Variants in TMEM217B observed in about 807,000 individuals in gnomAD.
The protein encoded by TMEM217B is transmembrane protein 217B.
the TMEM217B span, among the ~76,000 whole-genome samples, chr6:37,222,191 C>G: frequency 1.3e-5 from 2 of 152,248 alleles, no homozygotes; most frequent in East Asian, 1.9e-4. Context: ...GGAAGAGGCA[C>G]CACTTAGGTC....
the TMEM217B span, among the ~76,000 whole-genome samples, chr6:37,232,261 A>G: frequency 6.6e-6 from 1 of 152,250 alleles, no homozygotes; most frequent in African/African-American, 2.4e-5. Context: ...TGAAATAGCG[A>G]AAGTCAGGAG....
the TMEM217B span, among the ~76,000 whole-genome samples, chr6:37,248,867 C>T: frequency 2.6e-5 from 4 of 152,180 alleles, no homozygotes; most frequent in African/African-American, 9.7e-5. Flanking sequence ...AATTTGTTCT[C>T]TTAAGGTTCT....
At chr6:37,257,759 T>G in the TMEM217B span, 4 of 739,882 alleles carry the variant, frequency 5.4e-6, no homozygotes, top group Admixed American at 2.6e-5. Context: ...CGGTGCTGGG[T>G]GGAGGGGTGC....
chr6:37,215,128 A>G, the TMEM217B span: 6 of 1,593,562 alleles, frequency 3.8e-6, no homozygotes, highest in Non-Finnish European at 5.1e-6. Context: ...GGTCACTATA[A>G]TAATGGCCTA....
At chr6:37,251,583 G>A in the TMEM217B span, among the ~76,000 whole-genome samples, 1 of 152,178 alleles carries the variant, frequency 6.6e-6, no homozygotes, top group Non-Finnish European at 1.5e-5. Context: ...ACAGTATGAT[G>A]TTATTTATAA....
chr6:37,257,871 C>G, the TMEM217B span: 1 of 1,599,300 alleles, frequency 6.3e-7, no homozygotes, highest in Non-Finnish European at 8.5e-7. Flanking sequence ...GGCATCTCGC[C>G]GGGCAAACCC....
At chr6:37,242,342 T>G in the TMEM217B span, among the ~76,000 whole-genome samples, 1 of 152,190 alleles carries the variant, frequency 6.6e-6, no homozygotes, top group African/African-American at 2.4e-5. Context: ...AAATTCCACA[T>G]GCTGTAGAAA....
At chr6:37,237,516 AT>A in the TMEM217B span, among the ~76,000 whole-genome samples, 2 of 152,242 alleles carry the variant, frequency 1.3e-5, no homozygotes, top group African/African-American at 4.8e-5. Context: ...TCATGCAGAC[AT>A]TAAAAAGGAT....
chr6:37,258,102 T>A, the TMEM217B span: 4 of 1,059,382 alleles, frequency 3.8e-6, no homozygotes, highest in Non-Finnish European at 5.3e-6. Context: ...GACTGCCTGG[T>A]GGCGGCAGGG....
the TMEM217B span, among the ~76,000 whole-genome samples, chr6:37,213,484 T>A: frequency 6.6e-6 from 1 of 152,176 alleles, no homozygotes; most frequent in African/African-American, 2.4e-5. Flanking sequence ...CCTGATTTGC[T>A]CCCTGGGCAT....
chr6:37,219,844 G>A, the TMEM217B span, among the ~76,000 whole-genome samples: 6 of 152,146 alleles, frequency 3.9e-5, no homozygotes, highest in Non-Finnish European at 7.3e-5. Flanking sequence ...GATGTTTCAG[G>A]ATATAACCAG....
At chr6:37,217,803 T>C in the TMEM217B span, 1 of 985,306 alleles carries the variant, frequency 1.0e-6, no homozygotes, top group Admixed American at 6.2e-5. Flanking sequence ...ATTAAAGAGT[T>C]GTGGGTTGAA....
the TMEM217B span, among the ~76,000 whole-genome samples, chr6:37,234,832 T>G: frequency 2.0e-5 from 3 of 152,124 alleles, no homozygotes; most frequent in Non-Finnish European, 4.4e-5. Context: ...AGTGGTTACC[T>G]GTGAAAAGTA....
the TMEM217B span, chr6:37,218,964 T>C: frequency 9.9e-6 from 16 of 1,614,236 alleles, no homozygotes; most frequent in South Asian, 5.5e-5. Context: ...ACGGCCATGA[T>C]GGTGAAGACC....
At chr6:37,249,410 T>A in the TMEM217B span, among the ~76,000 whole-genome samples, 4 of 152,192 alleles carry the variant, frequency 2.6e-5, no homozygotes, top group Non-Finnish European at 2.9e-5. Context: ...ACCTCCACTT[T>A]CCAGGTTCAA....
chr6:37,219,811 G>C, the TMEM217B span, among the ~76,000 whole-genome samples: 2 of 152,124 alleles, frequency 1.3e-5, no homozygotes, highest in Non-Finnish European at 2.9e-5. Context: ...AAAATTGCCT[G>C]TACTTGTTCA....
At chr6:37,235,374 AT>A in the TMEM217B span, among the ~76,000 whole-genome samples, 2 of 151,226 alleles carry the variant, frequency 1.3e-5, no homozygotes, top group African/African-American at 2.4e-5. Context: ...TTTTATTATT[AT>A]TTTTTTTTGA....
At chr6:37,223,729 A>G in the TMEM217B span, among the ~76,000 whole-genome samples, 6 of 152,042 alleles carry the variant, frequency 3.9e-5, no homozygotes, top group African/African-American at 1.4e-4. Context: ...GGCTGCTCTC[A>G]AACTCCTGAC....
At chr6:37,219,253 G>A in the TMEM217B span, among the ~76,000 whole-genome samples, 1 of 152,156 alleles carries the variant, frequency 6.6e-6, no homozygotes, top group Non-Finnish European at 1.5e-5. Flanking sequence ...GCAATGACCA[G>A]ATAAAATTAC....
Sources: gnomAD v4.1 joint callset for allele counts (sites outside exome capture counted in the v4.1 genomes callset) on GRCh38, gnomAD v4.1.1 for gene constraint, MANE v1.5 for transcripts, NCBI Gene and HGNC (gene_info 2026-07-23, HGNC 2026-07-21) for gene names.